The following KHDRBS2 variants were observed in gnomAD, a reference collection of about 807,000 sequenced individuals.
KHDRBS2 encodes the protein KH domain-containing, RNA-binding, signal transduction-associated protein 2.
Under a neutral mutation model 44.3 loss-of-function variants are expected in KHDRBS2, and 26 were observed. That is an observed-to-expected ratio of 0.59 (90% CI 0.43 to 0.81). The LOEUF (loss-of-function observed/expected upper bound fraction) is 0.81. Among genes scored for constraint, KHDRBS2 ranks in the 40% least tolerant of loss-of-function variants. KHDRBS2 has a pLI of 0.00. For missense variants in KHDRBS2, 476 were observed against 433.1 expected (o/e 1.10, Z -0.88); for synonymous variants, 194 against 151.1 (o/e 1.28, Z -2.08).
intron 2 of KHDRBS2, among the ~76,000 whole-genome samples, chr6:62,139,732 G>A (rs1812372952): frequency 1.3e-5 from 2 of 152,110 alleles, no homozygotes; most frequent in Non-Finnish European, 2.9e-5. Context: ...ATACTGATGA[G>A]AAGAATAAGT....
At chr6:62,102,726 C>A (rs543792710) in intron 2 of KHDRBS2, among the ~76,000 whole-genome samples, 25 of 152,166 alleles carry the variant, frequency 1.6e-4, no homozygotes, top group Non-Finnish European at 2.9e-4. Context: ...GCAACTCTGG[C>A]TTGGGAAACC....
At chr6:61,949,173 G>T (rs957481830) in intron 4 of KHDRBS2, among the ~76,000 whole-genome samples, 4 of 152,066 alleles carry the variant, frequency 2.6e-5, no homozygotes, top group Non-Finnish European at 4.4e-5. Flanking sequence ...TTAAGTAGGG[G>T]TGAGAATAAT....
In KHDRBS2 at chr6:61,773,026, C is replaced by A. The variant is rs1353864765; in HGVS notation, c.811-40262G>T. On this transcript the variant is annotated intron_variant, in intron 6 of 8. Transcript: ENST00000281156. Reference sequence around the variant, plus strand: ...TGGTGTATATGTGCCACATTTTCTTCATCCAGTCTATCATTGTTTGATATT... The same window carrying A: ...TGGTGTATATGTGCCACATTTTCTTAATCCAGTCTATCATTGTTTGATATT... Among the ~76,000 whole-genome samples, 5 of 152,176 alleles carry A rather than the reference C, an allele frequency of 3.3e-5. No homozygotes were observed. The East Asian group carries it at 7.7e-4, about 23-fold the overall frequency.
intron 3 of KHDRBS2, among the ~76,000 whole-genome samples, chr6:61,988,630 G>A (rs1390079912): frequency 2.6e-5 from 4 of 152,174 alleles, no homozygotes; most frequent in African/African-American, 9.6e-5. Flanking sequence ...GTGCATGTAA[G>A]TGTACTAGTT....
At chr6:62,106,675 T>C (rs1220134458) in intron 2 of KHDRBS2, among the ~76,000 whole-genome samples, 12 of 152,136 alleles carry the variant, frequency 7.9e-5, no homozygotes, top group Non-Finnish European at 1.3e-4. Flanking sequence ...TTGATGAACA[T>C]TGATGCAAAA....
chr6:61,977,114 A>G (rs975046928), intron 4 of KHDRBS2, among the ~76,000 whole-genome samples: 12 of 152,030 alleles, frequency 7.9e-5, no homozygotes, highest in Non-Finnish European at 1.3e-4. Flanking sequence ...TTCTTTTCCC[A>G]TTCTTAAAAT....
At chr6:61,618,066 A>G in the KHDRBS2 span, among the ~76,000 whole-genome samples, 3 of 152,214 alleles carry the variant, frequency 2.0e-5, no homozygotes, top group African/African-American at 4.8e-5. Flanking sequence ...ACCTAAATAG[A>G]AAGTCAAAAT....
intron 2 of KHDRBS2, among the ~76,000 whole-genome samples, chr6:62,081,280 G>A (rs965438079): frequency 4.6e-5 from 7 of 152,064 alleles, no homozygotes; most frequent in African/African-American, 1.7e-4. Flanking sequence ...AGTTTCTTGG[G>A]GTTAAATGAC....
chr6:62,007,108 C>T (rs1740921575), intron 3 of KHDRBS2, among the ~76,000 whole-genome samples: 1 of 152,008 alleles, frequency 6.6e-6, no homozygotes, highest in South Asian at 2.1e-4. Context: ...CCATTATAAC[C>T]ACAAGGGTTG....
At chr6:62,231,115 C>T (rs1200808502) in intron 1 of KHDRBS2, among the ~76,000 whole-genome samples, 1 of 152,016 alleles carries the variant, frequency 6.6e-6, no homozygotes, top group Non-Finnish European at 1.5e-5. Context: ...TTAGAAATGC[C>T]TTGTTTTTAT....
intron 6 of KHDRBS2, among the ~76,000 whole-genome samples, chr6:61,789,349 T>C (rs1223532388): frequency 1.3e-5 from 2 of 151,476 alleles, no homozygotes; most frequent in African/African-American, 4.8e-5. Flanking sequence ...TAAATGAAGT[T>C]ATTAGAATAA....
intron 2 of KHDRBS2, among the ~76,000 whole-genome samples, chr6:62,113,879 T>G (rs1483946331): frequency 6.6e-6 from 1 of 152,128 alleles, no homozygotes; most frequent in South Asian, 2.1e-4. Flanking sequence ...CTTCTCACAC[T>G]GCTATGAAGA....
intron 8 of KHDRBS2, among the ~76,000 whole-genome samples, chr6:61,693,814 A>G (rs1582196094): frequency 6.6e-6 from 1 of 152,282 alleles, no homozygotes; most frequent in Non-Finnish European, 1.5e-5. Context: ...GACTACAAAG[A>G]AAGTACAATA....
rs547304454 is a variant in KHDRBS2, at chr6:62,079,443, A to G, written c.220-31449T>C. Reference sequence around the variant, plus strand: ...GCATTTAACAATAATTAAAAAAATTAAAATATATTTTACATTTGTCACTGC... The same window carrying G: ...GCATTTAACAATAATTAAAAAAATTGAAATATATTTTACATTTGTCACTGC... On this transcript the variant is annotated intron_variant, in intron 2 of 8. Coordinates refer to ENST00000281156, the MANE Select transcript of KHDRBS2 (RefSeq NM_152688.4). 3.3e-5 allele frequency among the ~76,000 whole-genome samples: 5 copies of G among 152,178 alleles called. No individual in the cohort carries two copies. In the East Asian group the frequency reaches 9.7e-4, roughly 29 times the overall value.
chr6:61,880,847 G>A (rs1361870192), intron 6 of KHDRBS2, among the ~76,000 whole-genome samples: 2 of 151,792 alleles, frequency 1.3e-5, no homozygotes, highest in Non-Finnish European at 2.9e-5. Context: ...ATTCTTACAT[G>A]ATTTCTATCA....
At chr6:61,947,219 T>C (rs1813557842) in intron 4 of KHDRBS2, among the ~76,000 whole-genome samples, 1 of 152,176 alleles carries the variant, frequency 6.6e-6, no homozygotes, top group Non-Finnish European at 1.5e-5. Context: ...TGGAGGTTCG[T>C]GCTCATCAGT....
intron 3 of KHDRBS2, among the ~76,000 whole-genome samples, chr6:62,011,034 GT>G (rs1329129392): frequency 6.6e-6 from 1 of 151,924 alleles, no homozygotes; most frequent in Admixed American, 6.6e-5. Flanking sequence ...TCACTTTGTG[GT>G]TTCTAATGAA....
chr6:61,552,328 C>T, the KHDRBS2 span, among the ~76,000 whole-genome samples: 3 of 151,978 alleles, frequency 2.0e-5, no homozygotes. Context: ...GCTGTTGGTG[C>T]ATGGGAATGC....
intron 2 of KHDRBS2, among the ~76,000 whole-genome samples, chr6:62,175,743 T>C (rs1418610325): frequency 2.6e-5 from 4 of 151,470 alleles, no homozygotes; most frequent in Admixed American, 1.3e-4. Context: ...ACACAAAAAT[T>C]TGACATCATA....
Sources: gnomAD v4.1 joint callset for allele counts (sites outside exome capture counted in the v4.1 genomes callset) on GRCh38, gnomAD v4.1.1 for gene constraint, MANE v1.5 for transcripts, NCBI Gene and HGNC (gene_info 2026-07-23, HGNC 2026-07-21) for gene names.